Variants in FGF11 observed in about 807,000 individuals in gnomAD.
FGF11 encodes fibroblast growth factor homologous factor 3.
FGF11 carries 25 observed loss-of-function variants against 25.1 expected under a neutral mutation model. That is an observed-to-expected ratio of 1.00 (90% CI 0.73 to 1.39). The LOEUF is 1.39. Ranked by LOEUF, FGF11 falls within the 40% of genes most tolerant of loss-of-function variation. The pLI is 0.00. For synonymous variants in FGF11, 130 were observed against 128.9 expected (o/e 1.01, Z -0.06); for missense variants, 320 against 311.0 (o/e 1.03, Z -0.22).
chr17:7,439,791 C>T lies in FGF11; in HGVS notation c.171C>T (p.Pro57=). 6.9e-7 allele frequency: 1 copy of T among 1,457,306 alleles called. No individual in the cohort carries two copies. The highest frequency in any genetic ancestry group is 2.8e-5 in the East Asian group (1 of 35,154). 90.3% of individuals were successfully genotyped at this position (1,457,306 alleles called of 1,614,324 possible). A position where few individuals can be genotyped will look rare whatever the true frequency, so the allele number is the denominator to read the frequency against. ...LSKVRLCGGR[P]ARPDRGPEPQ... ...AGGTGCGACTGTGCGGGGGGCGGCC[C>T]GCGCGGCCGGACCGCGGCCCGGGTG... The change falls in exon 1 of 5, where the codon CCC becomes CCT. Residue 57 remains proline (P), a synonymous_variant. Coordinates refer to ENST00000293829, the MANE Select transcript of FGF11 (RefSeq NM_004112.4).
chr17:7,441,531 C>T lies in FGF11; in HGVS notation c.254C>T (p.Ala85Val), dbSNP rs765090559. ...TGCCGCCAGGGTTTCTACCTCCAGG[C>T]GAATCCCGACGGAAGCATCCAGGGC... ...LFCRQGFYLQ[A>V]NPDGSIQGTP... The change falls in exon 2 of 5, where the codon GCG (alanine) becomes GTG (valine). Residue 85 changes from alanine (A) to valine (V), a missense_variant. By Grantham distance (64) the Ala-to-Val change is moderately conservative. Transcript: ENST00000293829. 3.8e-5 allele frequency: 62 copies of T among 1,614,020 alleles called. No homozygotes were observed. The highest frequency in any genetic ancestry group is 6.6e-5 in the South Asian group (6 of 91,088).
intron 4 of FGF11, 123 bp from the exon 5 acceptor site, chr17:7,442,953 T>G: frequency 8.7e-7 from 1 of 1,146,872 alleles, no homozygotes; most frequent in East Asian, 2.4e-5. Flanking sequence ...GCGGTCCTCC[T>G]GTGGGGTTGG....
chr17:7,439,567 G>A lies in FGF11; in HGVS notation c.-54G>A. 1 of 1,361,140 alleles carries A rather than the reference G, an allele frequency of 7.3e-7. No individual in the cohort carries two copies. Among genetic ancestry groups the A allele is most frequent in the Non-Finnish European group, 9.4e-7 (1 of 1,058,892 alleles). The allele number at this position is 1,361,140 out of a possible 1,614,324, so 84.3% of individuals were successfully genotyped here. ...CTAGTGAGCGGGCTCCTCTGGGGGA[G>A]CCCAGCGCGCTCCGGGCGCCTGCCG... On this transcript the variant is annotated 5_prime_UTR_variant, in exon 1 of 5. Transcript: ENST00000293829.
chr17:7,441,103 A>C, intron 1 of FGF11: 1 of 333,436 alleles, frequency 3.0e-6, no homozygotes, highest in Non-Finnish European at 4.8e-6. Flanking sequence ...ACCTTCGCAA[A>C]CACGCTGCCC....
Position 7,442,588 on chromosome 17 carries a change from CCTT to C in FGF11, c.409-5_409-3del. 1 of 1,614,150 alleles carries C rather than the reference CCTT, an allele frequency of 6.2e-7. No homozygotes were observed. The highest frequency in any genetic ancestry group is 1.1e-5 in the South Asian group (1 of 91,028). On this transcript the variant is annotated splice_polypyrimidine_tract_variant and splice_region_variant and intron_variant, in intron 3 of 4. Coordinates refer to ENST00000293829, the MANE Select transcript of FGF11 (RefSeq NM_004112.4). ...TGTGCGCCTTTCTGGGTCTTTGTCT[CCTT>C]AGCCGCATTTCACAGCTGAGTGTCG... is the stretch of plus-strand genomic sequence containing the variant.
At position 7,441,767 on chromosome 17, in the gene FGF11, C is replaced by T; in HGVS notation, c.305-9C>T. The T allele has an allele frequency of 6.3e-7, 1 of 1,592,020 alleles. No individual in the cohort carries two copies. Among genetic ancestry groups the T allele is most frequent in the Non-Finnish European group, 8.6e-7 (1 of 1,168,452 alleles). ...CCTGGGTATTGATGCTCCCTCTCTC[C>T]ACCTGCAGCCCACTTCAACCTGATC... is the stretch of plus-strand genomic sequence containing the variant. On this transcript the variant is annotated splice_polypyrimidine_tract_variant and intron_variant, in intron 2 of 4. Transcript: ENST00000293829.
chr17:7,439,881 T>A, intron 1 of FGF11, 68 bp downstream of exon 1: 2 of 1,297,272 alleles, frequency 1.5e-6, no homozygotes, highest in Non-Finnish European at 2.0e-6. Flanking sequence ...GGCCAGGGAC[T>A]CTGAAGAATA....
At chr17:7,441,090 C>A in intron 1 of FGF11, 1 of 409,996 alleles carries the variant, frequency 2.4e-6, no homozygotes, top group Non-Finnish European at 3.6e-6. Context: ...GCCAAGATCC[C>A]CCACCTTCGC....
intron 3 of FGF11, 104 bp from the exon 4 acceptor site, chr17:7,442,490 T>TC: frequency 6.6e-7 from 1 of 1,524,900 alleles, no homozygotes; most frequent in South Asian, 1.2e-5. Flanking sequence ...GTCCTCCCCC[T>TC]CCCCCAAAAA....
chr17:7,443,553 A>G lies in FGF11; in HGVS notation c.*407A>G, dbSNP rs1908448193. ...TTGCCACTGAGCCATTTCTAGATTC[A>G]CTGGAGCTCAGGATTCATGTGTCCT... On this transcript the variant is annotated 3_prime_UTR_variant, in exon 5 of 5. Coordinates refer to ENST00000293829, the MANE Select transcript of FGF11 (RefSeq NM_004112.4). 5.7e-6 allele frequency: 1 copy of G among 176,832 alleles called. No individual in the cohort carries two copies. The highest frequency in any genetic ancestry group is 1.2e-5 in the Non-Finnish European group (1 of 83,562). 11.0% of individuals were successfully genotyped at this position (176,832 alleles called of 1,614,324 possible).
rs1327963651 is a variant in FGF11, at chr17:7,443,906, G to C, written c.*760G>C. Reference sequence around the variant, plus strand: ...ACTTCCCCCTGAATCCTAGCTCTAGGACATAGATCATGACTCTCAGCCCTT... The same window carrying C: ...ACTTCCCCCTGAATCCTAGCTCTAGCACATAGATCATGACTCTCAGCCCTT... On this transcript the variant is annotated 3_prime_UTR_variant, in exon 5 of 5. Coordinates refer to ENST00000293829, the MANE Select transcript of FGF11 (RefSeq NM_004112.4). 2 of 152,156 alleles carry C rather than the reference G, an allele frequency of 1.3e-5. No individual in the cohort carries two copies. The highest frequency in any genetic ancestry group is 1.3e-4 in the Admixed American group (2 of 15,256). The allele number at this position is 152,156 out of a possible 1,614,324, so 9.4% of individuals were successfully genotyped here.
Position 7,444,933 on chromosome 17 carries a change from C to T in FGF11, c.*1787C>T. 2 of 624,048 alleles carry T rather than the reference C, an allele frequency of 3.2e-6. No homozygotes were observed. 38.7% of individuals were successfully genotyped at this position (624,048 alleles called of 1,614,324 possible). A position where few individuals can be genotyped will look rare whatever the true frequency, so the allele number is the denominator to read the frequency against. On this transcript the variant is annotated 3_prime_UTR_variant, in exon 5 of 5. Coordinates refer to ENST00000293829, the MANE Select transcript of FGF11 (RefSeq NM_004112.4). ...TCTCAATTAAAGACGATTTATACAA[C>T]TGAAGTGCTGTCTGTCATCTGTCGG...
Position 7,440,733 on chromosome 17 carries a change from C to G in FGF11, c.194-738C>G, listed in dbSNP as rs1033308298. ...CGGCTGCCCATAGTGGTACAATCCG[C>G]AGCCCACCCTCTGAGTAGGACCGGG... On this transcript the variant is annotated intron_variant, in intron 1 of 4. Coordinates refer to ENST00000293829, the MANE Select transcript of FGF11 (RefSeq NM_004112.4). The surrounding 1 kb of genome is among the most constrained non-coding windows in gnomAD (Gnocchi z 5.4). The G allele has an allele frequency of 4.1e-6, 4 of 986,128 alleles. No individual in the cohort carries two copies. Among genetic ancestry groups the G allele is most frequent in the Non-Finnish European group, 4.8e-6 (4 of 830,604 alleles). The allele number at this position is 986,128 out of a possible 1,614,324, so 61.1% of individuals were successfully genotyped here. A position where few individuals can be genotyped will look rare whatever the true frequency, so the allele number is the denominator to read the frequency against.
intron 3 of FGF11, 85 bp from the exon 4 acceptor site, chr17:7,442,509 G>T: frequency 3.4e-6 from 5 of 1,491,412 alleles, no homozygotes; most frequent in Non-Finnish European, 3.7e-6. Context: ...AAGGATTTGT[G>T]CTTTCCATGA....
rs1408529929 is a variant in FGF11, at chr17:7,440,016, TC to T, written c.193+204del. The stretch of plus-strand genomic sequence containing the variant: ...ACCCGGAGTCTCCTTATTTTCGAGG[TC>T]AAGGGGAAGGCTTGAGGGGCTGCCT... On this transcript the variant is annotated intron_variant, in intron 1 of 4. Coordinates refer to ENST00000293829, the MANE Select transcript of FGF11 (RefSeq NM_004112.4). This position sits in a 1 kb window ranked among gnomAD's most constrained non-coding sequence, Gnocchi z 5.4. 3 of 434,082 alleles carry T rather than the reference TC, an allele frequency of 6.9e-6. No homozygotes were observed. The highest frequency in any genetic ancestry group is 6.2e-5 in the African/African-American group (3 of 48,748). The allele number at this position is 434,082 out of a possible 1,614,324, so 26.9% of individuals were successfully genotyped here.
rs187659364 is a variant in FGF11 at position 7,442,465 on chromosome 17, A to G, written c.409-129A>G. 108 of 1,541,566 alleles carry G rather than the reference A, an allele frequency of 7.0e-5. No homozygotes were observed. In the East Asian group the frequency reaches 2.0e-3, roughly 29 times the overall value. On this transcript the variant is annotated intron_variant, in intron 3 of 4. Coordinates refer to ENST00000293829, the MANE Select transcript of FGF11 (RefSeq NM_004112.4). ...TCCTCCCTTTGCTCCCAGGTCCTACATGGACTCAGAAGTTGTCCTCCCCCT... is the reference window on the plus strand; with the variant it reads ...TCCTCCCTTTGCTCCCAGGTCCTACGTGGACTCAGAAGTTGTCCTCCCCCT...
At position 7,441,490 on chromosome 17, in the gene FGF11, C is replaced by G. The variant is rs969208480; in HGVS notation, c.213C>G (p.Ile71Met). The part of the protein sequence containing the change: ...DRGPEPQLKG[I>M]VTKLFCRQGF... ...CTCCAGAGCCTCAGCTCAAAGGCAT[C>G]GTCACCAAACTGTTCTGCCGCCAGG... Residue 71 changes from isoleucine (I) to methionine (M), a missense_variant, in exon 2 of 5, where the codon ATC becomes ATG. By Grantham distance (10) the Ile-to-Met change is conservative. Transcript: ENST00000293829. The G allele has an allele frequency of 6.2e-7, 1 of 1,614,138 alleles. No individual in the cohort carries two copies. Among genetic ancestry groups the G allele is most frequent in the Non-Finnish European group, 8.5e-7 (1 of 1,180,016 alleles).
Position 7,439,830 on chromosome 17 carries a change from C to T in FGF11, c.193+17C>T. The T allele has an allele frequency of 7.1e-7, 1 of 1,403,518 alleles. No individual in the cohort carries two copies. The highest frequency in any genetic ancestry group is 9.2e-7 in the Non-Finnish European group (1 of 1,084,192). 86.9% of individuals were successfully genotyped at this position (1,403,518 alleles called of 1,614,324 possible). A position where few individuals can be genotyped will look rare whatever the true frequency, so the allele number is the denominator to read the frequency against. ...GCGGCCCGGGTGAGTGCGGCTGGGGCGGGGTCTCCCGGCCAGAGGTTTCTC... is the reference window on the plus strand; with the variant it reads ...GCGGCCCGGGTGAGTGCGGCTGGGGTGGGGTCTCCCGGCCAGAGGTTTCTC... On this transcript the variant is annotated intron_variant, in intron 1 of 4. Coordinates refer to ENST00000293829, the MANE Select transcript of FGF11 (RefSeq NM_004112.4).
At position 7,443,418 on chromosome 17, in the gene FGF11, A is replaced by G; in HGVS notation, c.*272A>G. 1 of 405,366 alleles carries G rather than the reference A, an allele frequency of 2.5e-6. No homozygotes were observed. The highest frequency in any genetic ancestry group is 4.4e-6 in the Non-Finnish European group (1 of 227,098). The allele number at this position is 405,366 out of a possible 1,614,324, so 25.1% of individuals were successfully genotyped here. On this transcript the variant is annotated 3_prime_UTR_variant, in exon 5 of 5. Transcript: ENST00000293829. ...ACTTCTTTCTTTCCACACTCACACA[A>G]CGCCATGCCTTTTCCTGAGATGGCG...
Sources: allele counts gnomAD v4.1 joint callset, GRCh38; gene constraint gnomAD v4.1.1; non-coding constraint Gnocchi (gnomAD v3.1); transcripts MANE v1.5; gene names NCBI Gene and HGNC (gene_info 2026-07-23, HGNC 2026-07-21).